TIE1: variants seen among roughly 807,000 people sequenced by gnomAD.
TIE1 encodes the protein tyrosine kinase with immunoglobulin like and EGF like domains 1.
In TIE1, 89 loss-of-function variants were observed where a neutral mutation model predicts 130.5. The observed-to-expected ratio is 0.68, with a 90% CI of 0.57 to 0.81. TIE1 has a LOEUF of 0.81. Among genes scored for constraint, TIE1 ranks in the 40% least tolerant of loss-of-function variants. TIE1 has a pLI of 0.00. For synonymous variants in TIE1, 568 were observed against 629.4 expected, an observed-to-expected ratio of 0.90 and a Z score of 1.46; for missense variants, 1,392 against 1,559.8, an observed-to-expected ratio of 0.89 and a Z score of 1.81.
chr1:43,313,302 G>A lies in TIE1; in HGVS notation c.2095G>A (p.Glu699Lys), dbSNP rs764170843. Residue 699 changes from glutamate to lysine, a missense_variant, in exon 13 of 23, where the codon GAG becomes AAG. By Grantham distance (56) the Glu-to-Lys change is moderately conservative. This residue lies in a region of TIE1 where 551 missense variants were observed against 565.5 expected (regional missense o/e 0.97). Coordinates refer to ENST00000372476, the MANE Select transcript of TIE1 (RefSeq NM_005424.5). The surrounding 1 kb of genome is among the most constrained non-coding windows in gnomAD (Gnocchi z 6.2). ...ACTGTGGATAGACGTGGACAGGCCT[G>A]AGGAGACAAGCACCATCATCCGTGG... The part of the protein sequence containing the change: ...DPLWIDVDRP[E>K]ETSTIIRGLN... The A allele has an allele frequency of 4.3e-5, 70 of 1,613,934 alleles. No individual in the cohort carries two copies. In the South Asian group the frequency reaches 7.4e-4, roughly 17 times the overall value.
Position 43,313,562 on chromosome 1 carries a change from G to A in TIE1, c.2218+137G>A, listed in dbSNP as rs146362009. On this transcript the variant is annotated intron_variant, in intron 13 of 22. Coordinates refer to ENST00000372476, the MANE Select transcript of TIE1 (RefSeq NM_005424.5). This position sits in a 1 kb window ranked among gnomAD's most constrained non-coding sequence, Gnocchi z 6.2. The stretch of plus-strand genomic sequence containing the variant: ...GACAAAGAGTCAGCCCCAGTCCTGG[G>A]GACTCAGCCTTCCATTCTCATGATC... 2 of 1,205,722 alleles carry A rather than the reference G, an allele frequency of 1.7e-6. No individual in the cohort carries two copies. The highest frequency in any genetic ancestry group is 2.0e-4 in the Middle Eastern group (1 of 5,044). 74.7% of individuals were successfully genotyped at this position (1,205,722 alleles called of 1,614,324 possible).
rs773358246 is a variant in TIE1, at chr1:43,307,756, CT to C, written c.914-39del. On this transcript the variant is annotated intron_variant, in intron 6 of 22. Coordinates refer to ENST00000372476, the MANE Select transcript of TIE1 (RefSeq NM_005424.5). This position sits in a 1 kb window ranked among gnomAD's most constrained non-coding sequence, Gnocchi z 5.4. ...CCCTCATCTGTGCCCTCATTGCCCC[CT>C]GTCCCATGCCCCTCTAATCATACCT... The C allele has an allele frequency of 5.6e-6, 9 of 1,612,380 alleles. No individual in the cohort carries two copies. The highest frequency in any genetic ancestry group is 4.0e-5 in the African/African-American group (3 of 74,924).
rs779313018 is a variant in TIE1, at chr1:43,317,599, G to A, written c.2656G>A (p.Gly886Arg). The change falls in exon 16 of 23, where the codon GGA becomes AGA. Residue 886 changes from glycine (G) to arginine (R), a missense_variant. Around this residue, in one of 6 missense-constraint regions of TIE1, gnomAD observed 286 missense variants for 354.4 expected, o/e 0.81. Transcript: ENST00000372476. The surrounding 1 kb of genome is among the most constrained non-coding windows in gnomAD (Gnocchi z 5.1). ...TGAAAATGACCATCGTGACTTTGCG[G>A]GAGAACTGGAAGTTCTGTGCAAATT... ...ASENDHRDFA[G>R]ELEVLCKLGH... is the part of the protein sequence containing the mutation. 2 of 1,608,794 alleles carry A rather than the reference G, an allele frequency of 1.2e-6. No individual in the cohort carries two copies. Among genetic ancestry groups the A allele is most frequent in the Non-Finnish European group, 1.7e-6 (2 of 1,176,452 alleles).
At position 43,317,934 on chromosome 1, in the gene TIE1, T is replaced by C. The variant is rs1646876757; in HGVS notation, c.2784T>C (p.Phe928=). ...CCCCCTACGGGAACCTGCTAGATTT[T>C]CTGCGGAAAAGCCGGGTCCTAGAGA... ...EYAPYGNLLD[F]LRKSRVLETD... The change falls in exon 17 of 23, where the codon TTT becomes TTC. Residue 928 remains phenylalanine, a synonymous_variant. Transcript: ENST00000372476. The surrounding 1 kb of genome is among the most constrained non-coding windows in gnomAD (Gnocchi z 5.1). 1.9e-6 allele frequency: 3 copies of C among 1,614,210 alleles called. No homozygotes were observed. The highest frequency in any genetic ancestry group is 1.7e-6 in the Non-Finnish European group (2 of 1,180,010).
intron 1 of TIE1, among the ~76,000 whole-genome samples, chr1:43,302,855 TG>T (rs532754384): frequency 6.7e-6 from 1 of 150,258 alleles, no homozygotes. Context: ...AAAGGCAGGC[TG>T]GGGGGGTGGG....
chr1:43,307,456 A>G lies in TIE1; in HGVS notation c.797A>G (p.Gln266Arg). Residue 266 changes from glutamine to arginine, a missense_variant, in exon 6 of 23, where the codon CAG becomes CGG. By Grantham distance (43) the Gln-to-Arg change is conservative. Around this residue, in one of 6 missense-constraint regions of TIE1, gnomAD observed 415 missense variants for 424.8 expected, o/e 0.98. Coordinates refer to ENST00000372476, the MANE Select transcript of TIE1 (RefSeq NM_005424.5). The surrounding 1 kb of genome is among the most constrained non-coding windows in gnomAD (Gnocchi z 5.4). Reference sequence around the variant, plus strand: ...GCCTGCAGAGAGGGCCGTTTTGGGCAGAGCTGCCAGGAGCAGTGCCCAGGC... The same window carrying G: ...GCCTGCAGAGAGGGCCGTTTTGGGCGGAGCTGCCAGGAGCAGTGCCCAGGC... ...EQACREGRFGQSCQEQCPGIS... is the reference protein window; with the variant it reads ...EQACREGRFGRSCQEQCPGIS... 1 of 1,614,166 alleles carries G rather than the reference A, an allele frequency of 6.2e-7. No individual in the cohort carries two copies. The highest frequency in any genetic ancestry group is 8.5e-7 in the Non-Finnish European group (1 of 1,180,008).
chr1:43,304,160 C>T (rs1646698664), intron 1 of TIE1, among the ~76,000 whole-genome samples: 1 of 152,336 alleles, frequency 6.6e-6, no homozygotes, highest in South Asian at 2.1e-4. Context: ...ATCTCAAACT[C>T]CTGTGCTCAA....
Position 43,317,588 on chromosome 1 carries a change from G to A in TIE1, c.2645G>A (p.Arg882His), listed in dbSNP as rs781006981. The change falls in exon 16 of 23, where the codon CGT becomes CAT. Residue 882 changes from arginine to histidine, a missense_variant. Coordinates refer to ENST00000372476, the MANE Select transcript of TIE1 (RefSeq NM_005424.5). This position sits in a 1 kb window ranked among gnomAD's most constrained non-coding sequence, Gnocchi z 5.1. ...GAGTATGCCTCTGAAAATGACCATCGTGACTTTGCGGGAGAACTGGAAGTT... is the reference window on the plus strand; with the variant it reads ...GAGTATGCCTCTGAAAATGACCATCATGACTTTGCGGGAGAACTGGAAGTT... ...LKEYASENDH[R>H]DFAGELEVLC... 190 of 1,608,672 alleles carry A rather than the reference G, an allele frequency of 1.2e-4. No homozygotes were observed. Among genetic ancestry groups the A allele is most frequent in the Middle Eastern group, 1.7e-4 (1 of 6,054 alleles).
chr1:43,314,168 G>A (rs1391825303), intron 14 of TIE1, 200 bp downstream of exon 14: 4 of 762,710 alleles, frequency 5.2e-6, no homozygotes, highest in African/African-American at 5.2e-5. Context: ...CAGCTCATGA[G>A]CCCATTTATA....
In TIE1 at chr1:43,307,323, G is replaced by C. The variant is rs370285523; in HGVS notation, c.772+50G>C. The C allele has an allele frequency of 3.1e-6, 5 of 1,613,620 alleles. No individual in the cohort carries two copies. Among genetic ancestry groups the C allele is most frequent in the Non-Finnish European group, 2.5e-6 (3 of 1,179,874 alleles). On this transcript the variant is annotated intron_variant, in intron 5 of 22. Coordinates refer to ENST00000372476, the MANE Select transcript of TIE1 (RefSeq NM_005424.5). The surrounding 1 kb of genome is among the most constrained non-coding windows in gnomAD (Gnocchi z 5.4). ...CAGGCAGGAGAGGATCCCTGACTGG[G>C]AGAAGACCCTAGAACCATGTGGGTG...
At chr1:43,320,413 A>C (rs1646902085) in intron 19 of TIE1, 1 of 152,284 alleles carries the variant, frequency 6.6e-6, no homozygotes, top group South Asian at 2.1e-4. Flanking sequence ...GACCACGGTA[A>C]GTGCTCAATA....
Position 43,317,770 on chromosome 1 carries a change from C to T in TIE1, c.2731+96C>T, listed in dbSNP as rs1646873919. On this transcript the variant is annotated intron_variant, in intron 16 of 22. Coordinates refer to ENST00000372476, the MANE Select transcript of TIE1 (RefSeq NM_005424.5). The surrounding 1 kb of genome is among the most constrained non-coding windows in gnomAD (Gnocchi z 5.1). Reference sequence around the variant, plus strand: ...GTAGCTTGCCAGGGGCTGCTGGTGACCTGTGCACCACCCTTGATCCTCCTT... The same window carrying T: ...GTAGCTTGCCAGGGGCTGCTGGTGATCTGTGCACCACCCTTGATCCTCCTT... 3.4e-6 allele frequency: 5 copies of T among 1,464,066 alleles called. No homozygotes were observed. In the East Asian group the frequency reaches 9.1e-5, roughly 27 times the overall value. 90.7% of individuals were successfully genotyped at this position (1,464,066 alleles called of 1,614,324 possible).
Position 43,316,046 on chromosome 1 carries a change from G to A in TIE1, c.2410-1153G>A, listed in dbSNP as rs188837284. 2.0e-3 allele frequency among the ~76,000 whole-genome samples: 305 copies of A among 152,254 alleles called. No individual in the cohort carries two copies. Among genetic ancestry groups the A allele is most frequent in the Non-Finnish European group, 3.4e-3 (228 of 68,024 alleles). Reference sequence around the variant, plus strand: ...TGCCCTTCCGCCTGGGCAACAGAGCGAGACCTTGTCTCAAAACAAACAAAA... The same window carrying A: ...TGCCCTTCCGCCTGGGCAACAGAGCAAGACCTTGTCTCAAAACAAACAAAA... On this transcript the variant is annotated intron_variant, in intron 14 of 22. Transcript: ENST00000372476. This position sits in a 1 kb window ranked among gnomAD's most constrained non-coding sequence, Gnocchi z 4.4.
In TIE1 at chr1:43,307,765, G is replaced by GC. The variant is rs919164000; in HGVS notation, c.914-27dup. On this transcript the variant is annotated intron_variant, in intron 6 of 22. Coordinates refer to ENST00000372476, the MANE Select transcript of TIE1 (RefSeq NM_005424.5). The surrounding 1 kb of genome is among the most constrained non-coding windows in gnomAD (Gnocchi z 5.4). ...GTGCCCTCATTGCCCCCTGTCCCAT[G>GC]CCCCTCTAATCATACCTCCTCTATT... 3 of 1,613,184 alleles carry GC rather than the reference G, an allele frequency of 1.9e-6. No homozygotes were observed. Among genetic ancestry groups the GC allele is most frequent in the Admixed American group, 1.7e-5 (1 of 60,000 alleles).
At chr1:43,304,009 C>T (rs1215686277) in intron 1 of TIE1, among the ~76,000 whole-genome samples, 1 of 152,248 alleles carries the variant, frequency 6.6e-6, no homozygotes, top group African/African-American at 2.4e-5. Flanking sequence ...CCAAGACCTA[C>T]CTCGTGTCTG....
intron 14 of TIE1, 141 bp downstream of exon 14, chr1:43,314,109 T>C: frequency 1.0e-6 from 1 of 959,834 alleles, no homozygotes; most frequent in Non-Finnish European, 1.6e-6. Flanking sequence ...CACTCAACAA[T>C]GTTCAAGGGT....
chr1:43,309,437 T>G lies in TIE1; in HGVS notation c.1238T>G (p.Val413Gly). The G allele has an allele frequency of 6.2e-7, 1 of 1,611,388 alleles. No homozygotes were observed. The highest frequency in any genetic ancestry group is 2.2e-5 in the East Asian group (1 of 44,866). ...GAGAAGACCACAGCTGAGTTCGAGG[T>G]GCCCCGCTTGGTTCTTGCGGACAGT... ...EPEKTTAEFE[V>G]PRLVLADSGF... Residue 413 changes from valine (V) to glycine (G), a missense_variant, in exon 9 of 23, where the codon GTG becomes GGG. Physicochemically the swap from Val to Gly is moderately radical, Grantham distance 109. Around this residue, in one of 6 missense-constraint regions of TIE1, gnomAD observed 551 missense variants for 565.5 expected, o/e 0.97. Transcript: ENST00000372476. This position sits in a 1 kb window ranked among gnomAD's most constrained non-coding sequence, Gnocchi z 6.3.
intron 1 of TIE1, among the ~76,000 whole-genome samples, chr1:43,303,537 C>T (rs1038607573): frequency 4.6e-5 from 7 of 152,178 alleles, no homozygotes; most frequent in Non-Finnish European, 7.3e-5. Flanking sequence ...AACTGCTTGA[C>T]AGTCAGCTAC....
intron 1 of TIE1, among the ~76,000 whole-genome samples, chr1:43,302,958 T>C (rs915062325): frequency 1.3e-5 from 2 of 152,096 alleles, no homozygotes; most frequent in Non-Finnish European, 2.9e-5. Flanking sequence ...GACTTTAGAA[T>C]CAGACAACCT....
Sources: allele counts gnomAD v4.1 joint callset (sites outside exome capture counted in the v4.1 genomes callset), GRCh38; gene constraint gnomAD v4.1.1; regional missense constraint gnomAD v4.1.1; non-coding constraint Gnocchi (gnomAD v3.1); transcripts MANE v1.5; gene names NCBI Gene and HGNC (gene_info 2026-07-23, HGNC 2026-07-21).